Variants in CRLF3 observed in about 807,000 individuals in gnomAD.
The protein encoded by CRLF3 is cytokine receptor like factor 3, also known as cytokine receptor-like factor 3.
CRLF3 carries 33 observed loss-of-function variants against 55.0 expected under a neutral mutation model. That is an observed-to-expected ratio of 0.60 (90% CI 0.46 to 0.80). CRLF3 has a LOEUF of 0.80. Ranked by LOEUF, CRLF3 falls within the 30% of genes least tolerant of loss-of-function variation. The pLI is 0.00. For missense variants in CRLF3, 494 were observed against 538.4 expected (o/e 0.92, Z 0.82); for synonymous variants, 238 against 196.8 (o/e 1.21, Z -1.75).
chr17:30,807,653 C>G (rs918419298), intron 1 of CRLF3, among the ~76,000 whole-genome samples: 3 of 145,382 alleles, frequency 2.1e-5, no homozygotes, highest in African/African-American at 7.6e-5. Context: ...CTGCCTTAGT[C>G]TCCTGAGTAG....
rs753071686 is a variant in CRLF3 at position 30,784,407 on chromosome 17, T to C, written c.1109A>G (p.Gln370Arg). ...GGACCCAGAAGTAACTGCGGGTAAC[T>C]GATTTGTCATTTCTTTTCCATTGAC... ...VFVNGKEMTN[Q>R]LPAVTSGSTV... Residue 370 changes from glutamine (Q) to arginine (R), a missense_variant, in exon 8 of 8, where the codon CAG (glutamine) becomes CGG (arginine). By Grantham distance (43) the Gln-to-Arg change is conservative. Transcript: ENST00000324238. 3.1e-6 allele frequency: 5 copies of C among 1,613,610 alleles called. No individual in the cohort carries two copies. The highest frequency in any genetic ancestry group is 2.5e-6 in the Non-Finnish European group (3 of 1,179,478).
chr17:30,784,358 G>A lies in CRLF3; in HGVS notation c.1158C>T (p.Ala386=), dbSNP rs563742674. 1.2e-5 allele frequency: 19 copies of A among 1,613,808 alleles called. No homozygotes were observed. Among genetic ancestry groups the A allele is most frequent in the Admixed American group, 8.3e-5 (5 of 59,986 alleles). Residue 386 remains alanine, a synonymous_variant, in exon 8 of 8, where the codon GCC becomes GCT. Transcript: ENST00000324238. ...TATTACTGGTGGTTCCTAGAGTCAC[G>A]GCTTCAATGTCAAACGTGACAGTGG... The part of the protein sequence containing the change: ...SGSTVTFDIE[A]VTLGTTSNNE...
intron 6 of CRLF3, among the ~76,000 whole-genome samples, chr17:30,791,588 G>A (rs1401416094): frequency 1.4e-4 from 21 of 151,000 alleles, no homozygotes; most frequent in African/African-American, 4.6e-4. Context: ...CGTGATCTCG[G>A]CTCACTGCAA....
intron 7 of CRLF3, 150 bp downstream of exon 7, chr17:30,785,769 G>A: frequency 1.8e-6 from 1 of 550,244 alleles, no homozygotes; most frequent in South Asian, 2.3e-5. Flanking sequence ...GTGATGGAGT[G>A]AGACTTCATA....
chr17:30,811,562 G>A lies in CRLF3; in HGVS notation c.130-7454C>T, dbSNP rs548954729. 3.3e-3 allele frequency among the ~76,000 whole-genome samples: 498 copies of A among 152,038 alleles called. 2 individuals are homozygous for A. The highest frequency in any genetic ancestry group is 0.012 in the African/African-American group (480 of 41,486). On this transcript the variant is annotated intron_variant, in intron 1 of 7. Coordinates refer to ENST00000324238, the MANE Select transcript of CRLF3 (RefSeq NM_015986.4). ...CTCATGCCTGTAATCCCAGCACTTT[G>A]GGAGGCTGAGGCAGTTGAATCACGG... is the stretch of plus-strand genomic sequence containing the variant.
chr17:30,816,647 A>C (rs1904816482), intron 1 of CRLF3, among the ~76,000 whole-genome samples: 1 of 151,722 alleles, frequency 6.6e-6, no homozygotes, highest in South Asian at 2.1e-4. Context: ...GCACCACCAC[A>C]CCTGGCTAAT....
In CRLF3 at chr17:30,803,979, C is replaced by T. The variant is rs144562177; in HGVS notation, c.259G>A (p.Glu87Lys). The change falls in exon 2 of 8, where the codon GAG (glutamate) becomes AAG (lysine). Residue 87 changes from glutamate to lysine, a missense_variant. Glu to Lys is a moderately conservative substitution (Grantham distance 56). Transcript: ENST00000324238. ...CAGTCATCTAGTGGTTTAATGGTCT[C>T]CTGTTCAATGGTGTCCACCTCTTGC... ...LLQEVDTIEQ[E>K]TIKPLDDCQK... 62 of 1,612,728 alleles carry T rather than the reference C, an allele frequency of 3.8e-5. No homozygotes were observed. The highest frequency in any genetic ancestry group is 5.3e-5 in the Non-Finnish European group (62 of 1,179,968).
At chr17:30,811,185 T>G (rs1342570510) in intron 1 of CRLF3, among the ~76,000 whole-genome samples, 4 of 152,004 alleles carry the variant, frequency 2.6e-5, no homozygotes, top group Admixed American at 6.6e-5. Context: ...CCAGGTACAG[T>G]GGCTTACGCC....
chr17:30,792,601 G>C, intron 5 of CRLF3, 29 bp from the exon 6 acceptor site: 1 of 1,580,908 alleles, frequency 6.3e-7, no homozygotes, highest in Non-Finnish European at 8.7e-7. Context: ...ATTGAAAACT[G>C]TTAGAATCTC....
chr17:30,796,440 C>T, intron 3 of CRLF3, 103 bp from the exon 4 acceptor site: 1 of 806,838 alleles, frequency 1.2e-6, no homozygotes, highest in Non-Finnish European at 1.9e-6. Flanking sequence ...CTGAAGCCCC[C>T]AGTAATTAAT....
intron 7 of CRLF3, among the ~76,000 whole-genome samples, chr17:30,785,637 C>T (rs1971625267): frequency 6.8e-6 from 1 of 147,778 alleles, no homozygotes; most frequent in Non-Finnish European, 1.5e-5. Flanking sequence ...AAAAAATTAG[C>T]CAGTCACAGT....
At chr17:30,790,101 T>C (rs963602979) in intron 6 of CRLF3, among the ~76,000 whole-genome samples, 14 of 152,230 alleles carry the variant, frequency 9.2e-5, no homozygotes, top group Non-Finnish European at 1.6e-4. Context: ...TAGTATAATC[T>C]GACAACCGCT....
At position 30,792,477 on chromosome 17, in the gene CRLF3, C is replaced by T. The variant is rs751773627; in HGVS notation, c.922G>A (p.Ala308Thr). ...SESSGVLYSR[A>T]PTYFCGQTLT... ...GTCTGCCCACAGAAATAAGTCGGAGCTCTGGAGTAGAGAACACCCGATGAT... is the reference window on the plus strand; with the variant it reads ...GTCTGCCCACAGAAATAAGTCGGAGTTCTGGAGTAGAGAACACCCGATGAT... The change falls in exon 6 of 8, where the codon GCT (alanine) becomes ACT (threonine). Residue 308 changes from alanine to threonine, a missense_variant. Ala to Thr is a moderately conservative substitution (Grantham distance 58). Coordinates refer to ENST00000324238, the MANE Select transcript of CRLF3 (RefSeq NM_015986.4). 6.2e-7 allele frequency: 1 copy of T among 1,612,294 alleles called. No homozygotes were observed. Among genetic ancestry groups the T allele is most frequent in the African/African-American group, 1.3e-5 (1 of 74,918 alleles).
At chr17:30,792,809 TAATAA>T (rs1971836440) in intron 5 of CRLF3, 2 of 293,926 alleles carry the variant, frequency 6.8e-6, no homozygotes, top group African/African-American at 4.1e-5. Flanking sequence ...ATCTCTTATC[TAATAA>T]AATCATTGTA....
At chr17:30,821,775 G>C (rs1905004766) in intron 1 of CRLF3, among the ~76,000 whole-genome samples, 1 of 152,126 alleles carries the variant, frequency 6.6e-6, no homozygotes. Context: ...GGGTATGGGA[G>C]TGACAGCTAA....
chr17:30,788,335 AAAAG>A (rs1254296234), intron 6 of CRLF3, among the ~76,000 whole-genome samples: 2,884 of 145,858 alleles, frequency 0.02, 77 homozygotes, highest in African/African-American at 0.065. Context: ...CAAAAAAAAA[AAAAG>A]AAAAGAAAAG....
intron 2 of CRLF3, among the ~76,000 whole-genome samples, chr17:30,800,019 C>G (rs1393776019): frequency 6.6e-6 from 1 of 152,122 alleles, no homozygotes; most frequent in Admixed American, 6.6e-5. Flanking sequence ...ATGTAACCAG[C>G]AATGTCAAGA....
chr17:30,796,766 T>C (rs1971924639), intron 3 of CRLF3, among the ~76,000 whole-genome samples: 2 of 146,862 alleles, frequency 1.4e-5, no homozygotes, highest in South Asian at 4.7e-4. Context: ...CTCTGTCCCC[T>C]AGGCTGGAGT....
In CRLF3 at chr17:30,804,228, G is replaced by T. The variant is rs969634638; in HGVS notation, c.130-120C>A. 6 of 673,650 alleles carry T rather than the reference G, an allele frequency of 8.9e-6. No individual in the cohort carries two copies. The Admixed American group carries it at 1.7e-4, about 19-fold the overall frequency. The allele number at this position is 673,650 out of a possible 1,614,324, so 41.7% of individuals were successfully genotyped here. ...ATCTTCTTCAATTTAGTAAAAAAAAGATTAACTGAAATTATATTTAAGGTG... is the reference window on the plus strand; with the variant it reads ...ATCTTCTTCAATTTAGTAAAAAAAATATTAACTGAAATTATATTTAAGGTG... On this transcript the variant is annotated intron_variant, in intron 1 of 7. Coordinates refer to ENST00000324238, the MANE Select transcript of CRLF3 (RefSeq NM_015986.4).
Sources: gnomAD v4.1 joint callset for allele counts (sites outside exome capture counted in the v4.1 genomes callset) on GRCh38, gnomAD v4.1.1 for gene constraint, MANE v1.5 for transcripts, NCBI Gene and HGNC (gene_info 2026-07-23, HGNC 2026-07-21) for gene names.